STRA6: variants seen among roughly 807,000 people sequenced by gnomAD.
The protein encoded by STRA6 is receptor for retinol uptake STRA6.
A neutral mutation model predicts 83.6 loss-of-function variants in STRA6; 48 were observed. That is an observed-to-expected ratio of 0.57 (90% CI 0.46 to 0.73). The LOEUF (loss-of-function observed/expected upper bound fraction) is 0.73, where lower values mean the gene tolerates loss of function less well. STRA6 is among the 30% of genes least tolerant of loss of function. The probability of loss-of-function intolerance (pLI) is 0.00; values close to 1 mark genes in which losing one functional copy is unlikely to be tolerated. For synonymous variants in STRA6, 353 were observed against 362.3 expected, an observed-to-expected ratio of 0.97 and a Z score of 0.29; for missense variants, 760 against 838.8, an observed-to-expected ratio of 0.91 and a Z score of 1.16.
chr15:74,211,801 CCTCT>C (rs1480530572), upstream of STRA6, among the ~76,000 whole-genome samples: 1 of 152,040 alleles, frequency 6.6e-6, no homozygotes, highest in Non-Finnish European at 1.5e-5. Context: ...TCTGTTTCAC[CCTCT>C]CTGTGTCTGA....
intron 2 of STRA6, among the ~76,000 whole-genome samples, chr15:74,201,211 G>A (rs972296359): frequency 2.6e-5 from 4 of 152,188 alleles, no homozygotes; most frequent in Non-Finnish European, 5.9e-5. Context: ...CAGCCAGGCC[G>A]CAGCCCCAGC....
rs1212519216 is a variant in STRA6 at position 74,189,132 on chromosome 15, TG to T, written c.1072del (p.His358IlefsTer24). The part of the protein sequence containing the change: ...KQEVVELVKH[H>X]LWALEVCYIS... The stretch of plus-strand genomic sequence containing the variant: ...GGCCTCACCTTCCAGAGCCCACAGA[TG>T]GTGCTTCACCAGCTCCACCACCTCC... On this transcript the variant is annotated frameshift_variant, in exon 12 of 19. Coordinates refer to ENST00000395105, the MANE Select transcript of STRA6 (RefSeq NM_022369.4). LOFTEE classifies it high-confidence loss of function. 1 of 1,614,108 alleles carries T rather than the reference TG, an allele frequency of 6.2e-7. No individual in the cohort carries two copies.
rs200455746 is a variant in STRA6, at chr15:74,189,206, G to C, written c.999C>G (p.Val333=). The C allele has an allele frequency of 2.3e-5, 37 of 1,613,102 alleles. No homozygotes were observed. The highest frequency in any genetic ancestry group is 3.3e-4 in the Middle Eastern group (2 of 6,082). The change falls in exon 12 of 19, where the codon GTC becomes GTG. Residue 333 remains valine (V), a synonymous_variant. Coordinates refer to ENST00000395105, the MANE Select transcript of STRA6 (RefSeq NM_022369.4). ...QKVRAGVTTD[V]SYLLAGFGIV... ...TTCCAAAGCCGGCCAGCAGGTAGGA[G>C]ACATCCGTGGTGACCCCTGCCCTCA...
chr15:74,195,017 G>T, intron 7 of STRA6: 1 of 1,434,188 alleles, frequency 7.0e-7, no homozygotes, highest in Admixed American at 2.8e-5. Flanking sequence ...ATTGGGGGTG[G>T]GGGCCATTTC....
chr15:74,182,410 A>G lies in STRA6; in HGVS notation c.1351T>C (p.Phe451Leu). 2 of 1,613,202 alleles carry G rather than the reference A, an allele frequency of 1.2e-6. No individual in the cohort carries two copies. Among genetic ancestry groups the G allele is most frequent in the Non-Finnish European group, 1.7e-6 (2 of 1,179,538 alleles). Residue 451 changes from phenylalanine (F) to leucine (L), a missense_variant, in exon 15 of 19, where the codon TTC becomes CTC. Transcript: ENST00000395105. ...TGGAGCACAGGCATGAGCACCAGGAAGGCCAGGGCCGTGGTTCCCAGGAAG... is the reference window on the plus strand; with the variant it reads ...TGGAGCACAGGCATGAGCACCAGGAGGGCCAGGGCCGTGGTTCCCAGGAAG... ...IFFLGTTALA[F>L]LVLMPVLHGR...
chr15:74,182,430 A>C lies in STRA6; in HGVS notation c.1331T>G (p.Leu444Arg). Residue 444 changes from leucine (L) to arginine (R), a missense_variant, in exon 15 of 19, where the codon CTG (leucine) becomes CGG (arginine). Physicochemically the swap from Leu to Arg is moderately radical, Grantham distance 102. Coordinates refer to ENST00000395105, the MANE Select transcript of STRA6 (RefSeq NM_022369.4). ...CAGGAAGGCCAGGGCCGTGGTTCCC[A>C]GGAAGAAGATGATCTGCTGCACCAG... ...GLLVQQIIFF[L>R]GTTALAFLVL... is the part of the protein sequence containing the mutation. 6.2e-7 allele frequency: 1 copy of C among 1,611,486 alleles called. No homozygotes were observed. Among genetic ancestry groups the C allele is most frequent in the Non-Finnish European group, 8.5e-7 (1 of 1,178,860 alleles).
intron 18 of STRA6, 80 bp from the exon 19 acceptor site, chr15:74,180,323 C>A (rs2072913816): frequency 1.3e-6 from 2 of 1,570,034 alleles, no homozygotes; most frequent in African/African-American, 1.3e-5. Context: ...GATCAGAGAG[C>A]CTGAAAATCC....
intron 13 of STRA6, 91 bp from the exon 14 acceptor site, chr15:74,184,080 T>A (rs764644793): frequency 5.1e-6 from 8 of 1,568,306 alleles, no homozygotes; most frequent in Middle Eastern, 1.7e-4. Context: ...AAACTCCCAA[T>A]AGAATTTCAA....
chr15:74,191,567 G>T, intron 8 of STRA6, 76 bp from the exon 9 acceptor site: 1 of 1,291,486 alleles, frequency 7.7e-7, no homozygotes, highest in Non-Finnish European at 1.1e-6. Flanking sequence ...CAGGGAACTA[G>T]AGTGTTCACC....
In STRA6 at chr15:74,202,766, C is replaced by G; in HGVS notation, c.-69G>C. ...TGCAGAGATGAAAGGGTAGGCAGCC[C>G]ACGGCCAGCTCCGCACTGCCTGCCT... On this transcript the variant is annotated 5_prime_UTR_variant, in exon 1 of 19. Coordinates refer to ENST00000395105, the MANE Select transcript of STRA6 (RefSeq NM_022369.4). The G allele has an allele frequency of 8.4e-7, 1 of 1,193,382 alleles. No individual in the cohort carries two copies. The highest frequency in any genetic ancestry group is 1.0e-6 in the Non-Finnish European group (1 of 963,326). 73.9% of individuals were successfully genotyped at this position (1,193,382 alleles called of 1,614,324 possible). A position where few individuals can be genotyped will look rare whatever the true frequency, so the allele number is the denominator to read the frequency against.
chr15:74,194,722 A>G, intron 7 of STRA6: 1 of 1,213,034 alleles, frequency 8.2e-7, no homozygotes, highest in African/African-American at 1.6e-5. Flanking sequence ...ATGTGCTTCA[A>G]ATATGTTGTT....
intron 15 of STRA6, 30 bp downstream of exon 15, chr15:74,182,313 C>T (rs867753922): frequency 1.2e-6 from 2 of 1,613,956 alleles, no homozygotes; most frequent in South Asian, 2.2e-5. Flanking sequence ...CTAAGGAGTC[C>T]CTGAGCCCTC....
upstream of STRA6, chr15:74,203,169 G>C: frequency 1.0e-6 from 1 of 985,460 alleles, no homozygotes. Context: ...CTTCTCCTAG[G>C]GTTTCCATGA....
chr15:74,203,064 C>G (rs1007731916), upstream of STRA6: 2 of 985,606 alleles, frequency 2.0e-6, no homozygotes, highest in Non-Finnish European at 2.4e-6. Context: ...CAGTGCCGCA[C>G]ACAGACAGGA....
At chr15:74,202,000 G>A (rs1243206900) in intron 2 of STRA6, among the ~76,000 whole-genome samples, 155 bp downstream of exon 2, 1 of 152,200 alleles carries the variant, frequency 6.6e-6, no homozygotes, top group Non-Finnish European at 1.5e-5. Context: ...ATGAACCCCA[G>A]AGAGGCTGTG....
rs578096275 is a variant in STRA6, at chr15:74,180,007, C to T, written c.*73G>A. 64 of 1,571,874 alleles carry T rather than the reference C, an allele frequency of 4.1e-5. No homozygotes were observed. Among genetic ancestry groups the T allele is most frequent in the East Asian group, 2.5e-4 (11 of 44,152 alleles). On this transcript the variant is annotated 3_prime_UTR_variant, in exon 19 of 19. Coordinates refer to ENST00000395105, the MANE Select transcript of STRA6 (RefSeq NM_022369.4). ...GCTGGTGTGATGCTGGGAGGAGAGCCGGGGAGGGAGGAGGATGGTAGGCAG... is the reference window on the plus strand; with the variant it reads ...GCTGGTGTGATGCTGGGAGGAGAGCTGGGGAGGGAGGAGGATGGTAGGCAG...
intron 4 of STRA6, among the ~76,000 whole-genome samples, chr15:74,196,488 T>G (rs571448462): frequency 1.6e-3 from 240 of 152,224 alleles, no homozygotes; most frequent in Non-Finnish European, 2.9e-3. Flanking sequence ...AGTCACAACA[T>G]CCTTGTACAA....
intron 1 of STRA6, 137 bp downstream of exon 1, chr15:74,202,576 C>A (rs1052398851): frequency 1.1e-5 from 16 of 1,471,468 alleles, no homozygotes; most frequent in African/African-American, 1.4e-5. Flanking sequence ...CCCGCTGGCG[C>A]ATCTGTCTGA....
At chr15:74,185,278 A>G (rs1358846235) in intron 12 of STRA6, among the ~76,000 whole-genome samples, 7 of 152,204 alleles carry the variant, frequency 4.6e-5, no homozygotes, top group Non-Finnish European at 1.0e-4. Flanking sequence ...CAAGAGATGA[A>G]ACCAGCTCTG....
Sources: gnomAD v4.1 joint callset for allele counts (sites outside exome capture counted in the v4.1 genomes callset) on GRCh38, gnomAD v4.1.1 for gene constraint, MANE v1.5 for transcripts, NCBI Gene and HGNC (gene_info 2026-07-23, HGNC 2026-07-21) for gene names.